The following TENM2 variants were observed in gnomAD, a reference collection of about 807,000 sequenced individuals.
TENM2 encodes the protein teneurin transmembrane protein 2.
A neutral mutation model predicts 245.2 loss-of-function variants in TENM2; 52 were observed. The ratio of observed to expected loss-of-function variants is 0.21; its 90% CI spans 0.17 to 0.27. The LOEUF is 0.27. Ranked by LOEUF, TENM2 falls within the 10% of genes least tolerant of loss-of-function variation. The pLI, the probability that TENM2 is intolerant of heterozygous loss-of-function variation, is 1.00. For missense variants in TENM2, 3,046 were observed against 3,666.8 expected (o/e 0.83, Z 4.37); for synonymous variants, 1,363 against 1,438.9 (o/e 0.95, Z 1.19).
At chr5:167,811,517 A>G (rs1245818551) in intron 2 of TENM2, among the ~76,000 whole-genome samples, 1 of 152,182 alleles carries the variant, frequency 6.6e-6, no homozygotes, top group Non-Finnish European at 1.5e-5. Context: ...TACAGCCTGC[A>G]GAACGATCTG....
At chr5:167,457,866 A>G (rs780126126) in intron 2 of TENM2, among the ~76,000 whole-genome samples, 1 of 152,190 alleles carries the variant, frequency 6.6e-6, no homozygotes, top group Non-Finnish European at 1.5e-5. Flanking sequence ...TTCCTAAGTC[A>G]TTGAGAGAGT....
At chr5:167,117,961 CA>C in the TENM2 span, among the ~76,000 whole-genome samples, 1 of 152,126 alleles carries the variant, frequency 6.6e-6, no homozygotes, top group Non-Finnish European at 1.5e-5. Context: ...GAGACATCCA[CA>C]CCATGGGCAA....
chr5:167,253,048 CTTG>C, the TENM2 span, among the ~76,000 whole-genome samples: 2 of 151,900 alleles, frequency 1.3e-5, no homozygotes, highest in East Asian at 1.9e-4. Context: ...GCTTTGTGTT[CTTG>C]TTCTTGACTT....
intron 2 of TENM2, among the ~76,000 whole-genome samples, chr5:167,783,163 C>T (rs1212796855): frequency 8.0e-6 from 1 of 125,214 alleles, no homozygotes; most frequent in Non-Finnish European, 1.6e-5. Context: ...TTGGCTTCAA[C>T]TAGAAACAGG....
At chr5:167,097,869 G>A in the TENM2 span, among the ~76,000 whole-genome samples, 6 of 152,210 alleles carry the variant, frequency 3.9e-5, no homozygotes, top group Admixed American at 2.0e-4. Flanking sequence ...CATAGACCTC[G>A]ACTACTTCTC....
chr5:167,252,313 TC>T, the TENM2 span, among the ~76,000 whole-genome samples: 1 of 152,156 alleles, frequency 6.6e-6, no homozygotes, highest in African/African-American at 2.4e-5. Flanking sequence ...TTAGTATAGT[TC>T]AATAAGTATG....
At chr5:167,502,446 G>A (rs1025484) in intron 2 of TENM2, among the ~76,000 whole-genome samples, 81,827 of 151,942 alleles carry the variant, frequency 0.54, 22,654 homozygotes, top group South Asian at 0.64. Context: ...TTTCCAATCT[G>A]TTTATTTGCC....
the TENM2 span, among the ~76,000 whole-genome samples, chr5:167,070,794 T>C: frequency 6.6e-6 from 1 of 152,162 alleles, no homozygotes; most frequent in Admixed American, 6.5e-5. Flanking sequence ...TGTACTACTG[T>C]GTTCACTGAC....
the TENM2 span, among the ~76,000 whole-genome samples, chr5:167,056,367 G>A: frequency 6.6e-6 from 1 of 150,496 alleles, no homozygotes; most frequent in Non-Finnish European, 1.5e-5. Flanking sequence ...CTCCCAAAAT[G>A]TTAAGTATTT....
At chr5:167,674,411 G>A (rs1267140713) in intron 2 of TENM2, among the ~76,000 whole-genome samples, 1 of 152,078 alleles carries the variant, frequency 6.6e-6, no homozygotes, top group Non-Finnish European at 1.5e-5. Context: ...AAGTACATAT[G>A]CAAGTCAAAT....
intron 13 of TENM2, among the ~76,000 whole-genome samples, chr5:168,175,976 G>T (rs909252444): frequency 2.6e-5 from 4 of 152,206 alleles, no homozygotes; most frequent in African/African-American, 9.6e-5. Context: ...GGAGGCCATT[G>T]CATAGGCCTT....
Position 168,144,381 on chromosome 5 carries a change from G to C in TENM2, c.2422+17415G>C, listed in dbSNP as rs62383428. ...AAGTGTGATATTCCCCTTCCTGTGT[G>C]CATGTGATCTCATTGTTCAATTCCC... On this transcript the variant is annotated intron_variant, in intron 12 of 28. Transcript: ENST00000518659. Among the ~76,000 whole-genome samples the C allele has an allele frequency of 3.3e-5, 5 of 150,590 alleles. No individual in the cohort carries two copies. In the South Asian group the frequency reaches 6.3e-4, roughly 19 times the overall value.
At chr5:167,911,123 TATC>T (rs1776511175) in intron 3 of TENM2, among the ~76,000 whole-genome samples, 1 of 152,232 alleles carries the variant, frequency 6.6e-6, no homozygotes. Flanking sequence ...GGTACAATCA[TATC>T]ATGTTTTACT....
intron 10 of TENM2, among the ~76,000 whole-genome samples, chr5:168,120,730 A>G (rs1251339779): frequency 6.6e-6 from 1 of 152,244 alleles, no homozygotes; most frequent in East Asian, 1.9e-4. Context: ...AAAATAGGAA[A>G]TGGAATCAGA....
the TENM2 span, among the ~76,000 whole-genome samples, chr5:167,050,592 C>T: frequency 3.3e-5 from 5 of 152,026 alleles, no homozygotes; most frequent in East Asian, 1.9e-4. Context: ...TATTGTGGAC[C>T]GTGAATGAGA....
chr5:168,242,971 AC>A (rs199886659), intron 25 of TENM2, among the ~76,000 whole-genome samples: 1 of 148,300 alleles, frequency 6.7e-6, no homozygotes, highest in Non-Finnish European at 1.5e-5. Flanking sequence ...AAAAAAAAAA[AC>A]TTATTATTAC....
exon 8 of TENM2, chr5:168,090,676 T>A: frequency 6.2e-7 from 1 of 1,613,914 alleles, no homozygotes; most frequent in Non-Finnish European, 8.5e-7. Context: ...TGAAGCCGTG[T>A]TTGTGCAGTA....
chr5:167,506,163 T>G (rs1358305457), intron 2 of TENM2, among the ~76,000 whole-genome samples: 3 of 152,236 alleles, frequency 2.0e-5, no homozygotes, highest in African/African-American at 7.2e-5. Flanking sequence ...AATGCTAACT[T>G]TTTATATAGT....
intron 3 of TENM2, among the ~76,000 whole-genome samples, chr5:167,939,889 T>A (rs1357681816): frequency 2.0e-5 from 3 of 152,206 alleles, no homozygotes. Context: ...TGATGAAAAG[T>A]GAACATTTTC....
Sources: allele counts gnomAD v4.1 joint callset (sites outside exome capture counted in the v4.1 genomes callset), GRCh38; gene constraint gnomAD v4.1.1; transcripts MANE v1.5; gene names NCBI Gene and HGNC (gene_info 2026-07-23, HGNC 2026-07-21).